The following MYO1D variants were observed in gnomAD, a reference collection of about 807,000 sequenced individuals.
MYO1D encodes the protein myosin ID.
In MYO1D, 83 loss-of-function variants were observed where a neutral mutation model predicts 122.0. The ratio of observed to expected loss-of-function variants is 0.68; its 90% CI spans 0.57 to 0.82. MYO1D has a LOEUF of 0.82. Ranked by LOEUF, MYO1D falls within the 40% of genes least tolerant of loss-of-function variation. The probability of loss-of-function intolerance (pLI) is 0.00; values close to 1 mark genes in which losing one functional copy is unlikely to be tolerated. For synonymous variants in MYO1D, 464 were observed against 446.9 expected (o/e 1.04, Z -0.48); for missense variants, 1,157 against 1,269.5 (o/e 0.91, Z 1.35).
intron 16 of MYO1D, among the ~76,000 whole-genome samples, chr17:32,663,686 T>C (rs76594001): frequency 0.015 from 2,213 of 152,304 alleles, 42 homozygotes; most frequent in African/African-American, 0.048. Context: ...CCTTGCCTAC[T>C]CTTCTTGCTT....
In MYO1D at chr17:32,816,782, T is replaced by A. The variant is rs142913856; in HGVS notation, c.96-35998A>T. ...TTATGAAAAATTCCTGGATGTAGCA[T>A]AAGTATGAGTTTAAAATTCAACATC... On this transcript the variant is annotated intron_variant, in intron 1 of 21. Coordinates refer to ENST00000318217, the MANE Select transcript of MYO1D (RefSeq NM_015194.3). 2.2e-3 allele frequency among the ~76,000 whole-genome samples: 342 copies of A among 152,358 alleles called. 1 individual carries two copies. Among genetic ancestry groups the A allele is most frequent in the African/African-American group, 7.4e-3 (306 of 41,600 alleles).
chr17:32,756,334 T>G (rs1702399441), intron 10 of MYO1D: 1 of 220,966 alleles, frequency 4.5e-6, no homozygotes, highest in South Asian at 1.9e-4. Flanking sequence ...TCTGTTTTCA[T>G]GCAGAATATA....
intron 1 of MYO1D, among the ~76,000 whole-genome samples, chr17:32,835,749 C>A (rs1295849646): frequency 1.3e-5 from 2 of 152,106 alleles, no homozygotes; most frequent in Admixed American, 1.3e-4. Flanking sequence ...CTCTTTAACA[C>A]CTGGTCATGC....
At chr17:32,848,258 C>T (rs2090955441) in intron 1 of MYO1D, among the ~76,000 whole-genome samples, 1 of 152,100 alleles carries the variant, frequency 6.6e-6, no homozygotes, top group Admixed American at 6.6e-5. Context: ...GTAAAATTTC[C>T]TGCTTTTCAT....
chr17:32,672,039 A>C (rs1282792006), intron 16 of MYO1D, among the ~76,000 whole-genome samples: 1 of 152,260 alleles, frequency 6.6e-6, no homozygotes, highest in Non-Finnish European at 1.5e-5. Flanking sequence ...CAAAAATTAC[A>C]GAACAAACAT....
chr17:32,536,011 A>G (rs1428367998), intron 21 of MYO1D, among the ~76,000 whole-genome samples: 1 of 152,178 alleles, frequency 6.6e-6, no homozygotes, highest in East Asian at 1.9e-4. Context: ...TGGGTCTCCC[A>G]GGATACAGAC....
In MYO1D at chr17:32,711,627, C is replaced by T. The variant is rs146759153; in HGVS notation, c.2121+361G>A. On this transcript the variant is annotated intron_variant, in intron 16 of 21. Coordinates refer to ENST00000318217, the MANE Select transcript of MYO1D (RefSeq NM_015194.3). ...TGCCACTGCACTCCAGCCTAGGTGA[C>T]ATAGTGAGACTCCGTCTCGGGGGGG... 4.8e-3 allele frequency among the ~76,000 whole-genome samples: 725 copies of T among 151,324 alleles called. 10 individuals are homozygous for T. The highest frequency in any genetic ancestry group is 0.014 in the African/African-American group (583 of 41,164).
intron 1 of MYO1D, among the ~76,000 whole-genome samples, chr17:32,875,361 G>A (rs1311723764): frequency 6.6e-6 from 1 of 152,082 alleles, no homozygotes; most frequent in Non-Finnish European, 1.5e-5. Flanking sequence ...TTACTAATAT[G>A]GATTTGCCAG....
At chr17:32,632,693 C>T (rs2088036945) in intron 20 of MYO1D, among the ~76,000 whole-genome samples, 1 of 151,762 alleles carries the variant, frequency 6.6e-6, no homozygotes, top group Non-Finnish European at 1.5e-5. Flanking sequence ...TTACCATCAT[C>T]CCCCGCTCTT....
At chr17:32,566,513 CAG>C (rs758809143) in intron 21 of MYO1D, among the ~76,000 whole-genome samples, 14 of 152,012 alleles carry the variant, frequency 9.2e-5, no homozygotes, top group Middle Eastern at 3.4e-3. Context: ...CAGGAAAATG[CAG>C]AGTGAGGAGG....
intron 18 of MYO1D, 93 bp from the exon 19 acceptor site, chr17:32,654,040 T>C (rs1398532931): frequency 1.0e-5 from 10 of 973,796 alleles, no homozygotes; most frequent in African/African-American, 8.2e-5. Context: ...ACTACACTTA[T>C]ATAGTTTCAC....
intron 4 of MYO1D, among the ~76,000 whole-genome samples, chr17:32,773,647 C>T (rs1032000139): frequency 1.3e-5 from 2 of 151,484 alleles, no homozygotes; most frequent in African/African-American, 4.9e-5. Context: ...AGCCTGTGTT[C>T]TCAAGAACTT....
intron 20 of MYO1D, among the ~76,000 whole-genome samples, chr17:32,617,386 C>G (rs72815019): frequency 0.063 from 9,591 of 152,198 alleles, 395 homozygotes; most frequent in East Asian, 0.2. Flanking sequence ...GTCTTTAAGT[C>G]TTCCCAGCTA....
chr17:32,622,526 A>C (rs111979397), intron 20 of MYO1D, among the ~76,000 whole-genome samples: 8,500 of 152,206 alleles, frequency 0.056, 828 homozygotes, highest in African/African-American at 0.19. Context: ...GTGTAAAGGC[A>C]TACAGAGGGA....
intron 1 of MYO1D, among the ~76,000 whole-genome samples, chr17:32,826,603 C>CGTAT: frequency 6.6e-6 from 1 of 152,248 alleles, no homozygotes; most frequent in East Asian, 1.9e-4. Flanking sequence ...GTAATTTATA[C>CGTAT]AGGTGACACC....
At chr17:32,593,956 A>G (rs1230640733) in intron 21 of MYO1D, among the ~76,000 whole-genome samples, 1 of 152,226 alleles carries the variant, frequency 6.6e-6, no homozygotes, top group Non-Finnish European at 1.5e-5. Flanking sequence ...AAACAAAACC[A>G]GTTATATATA....
chr17:32,643,552 C>G (rs2088236817), intron 19 of MYO1D, among the ~76,000 whole-genome samples: 2 of 152,130 alleles, frequency 1.3e-5, no homozygotes, highest in Non-Finnish European at 2.9e-5. Context: ...CCTGTCTGGT[C>G]TTGGACTTTT....
intron 16 of MYO1D, among the ~76,000 whole-genome samples, chr17:32,706,569 T>C (rs1029012940): frequency 6.6e-6 from 1 of 152,194 alleles, no homozygotes. Context: ...TTCATGAATG[T>C]ATGGAAGATT....
At chr17:32,551,271 T>C (rs1280153777) in intron 21 of MYO1D, among the ~76,000 whole-genome samples, 2 of 152,204 alleles carry the variant, frequency 1.3e-5, no homozygotes, top group Non-Finnish European at 2.9e-5. Flanking sequence ...GCTCAGATCA[T>C]ACATTTTGCT....
Sources: gnomAD v4.1 joint callset for allele counts (sites outside exome capture counted in the v4.1 genomes callset) on GRCh38, gnomAD v4.1.1 for gene constraint, MANE v1.5 for transcripts, NCBI Gene and HGNC (gene_info 2026-07-23, HGNC 2026-07-21) for gene names.